LRP1B: variants seen among roughly 807,000 people sequenced by gnomAD.
LRP1B encodes the protein low-density lipoprotein receptor-related protein 1B.
In LRP1B, 217 loss-of-function variants were observed where a neutral mutation model predicts 556.6. The ratio of observed to expected loss-of-function variants is 0.39; its 90% confidence interval spans 0.35 to 0.44. The LOEUF is 0.44. LRP1B is among the 20% of genes least tolerant of loss of function. The pLI, the probability that LRP1B is intolerant of heterozygous loss-of-function variation, is 1.00. For synonymous variants in LRP1B, 2,047 were observed against 1,865.8 expected, an observed-to-expected ratio of 1.10 and a Z score of -2.50; for missense variants, 5,053 against 5,620.8, an observed-to-expected ratio of 0.90 and a Z score of 3.23.
intron 86 of LRP1B, among the ~76,000 whole-genome samples, chr2:140,252,093 A>G (rs1169591727): frequency 1.4e-5 from 1 of 71,786 alleles, no homozygotes. Context: ...AAAAAAACCC[A>G]AAAAACAAAA....
At chr2:141,802,544 G>C (rs900782321) in intron 2 of LRP1B, among the ~76,000 whole-genome samples, 1 of 152,038 alleles carries the variant, frequency 6.6e-6, no homozygotes, top group Non-Finnish European at 1.5e-5. Context: ...CTGATGAGAT[G>C]CTTTGTCCTA....
intron 11 of LRP1B, among the ~76,000 whole-genome samples, chr2:141,040,773 G>T (rs990232130): frequency 1.3e-5 from 2 of 152,108 alleles, no homozygotes; most frequent in African/African-American, 4.8e-5. Context: ...CAATTCTGAA[G>T]ATGCTGGGGA....
intron 2 of LRP1B, among the ~76,000 whole-genome samples, chr2:141,620,523 C>G (rs1452746422): frequency 6.6e-6 from 1 of 152,144 alleles, no homozygotes; most frequent in Non-Finnish European, 1.5e-5. Context: ...AATTTCATTA[C>G]AGACATATTG....
intron 6 of LRP1B, among the ~76,000 whole-genome samples, chr2:141,209,564 A>G (rs1161023919): frequency 1.3e-5 from 2 of 152,172 alleles, no homozygotes; most frequent in African/African-American, 4.8e-5. Context: ...AATTCTCACA[A>G]TTTTCAACAT....
Position 140,536,592 on chromosome 2 carries a change from A to G in LRP1B, c.7631T>C (p.Leu2544Pro), listed in dbSNP as rs2105003217. Residue 2544 changes from leucine (L) to proline (P), a missense_variant, in exon 46 of 91, where the codon CTG becomes CCG. Coordinates refer to ENST00000389484, the MANE Select transcript of LRP1B (RefSeq NM_018557.3). ...PHCKDKSDEK[L>P]LYCENRSCRR... is the part of the protein sequence containing the mutation. ...TATTGGACACTTACCACAGTAGAGC[A>G]GTTTTTCATCTGATTTATCTTTACA... is the stretch of plus-strand genomic sequence containing the variant. The G allele has an allele frequency of 1.2e-6, 2 of 1,609,998 alleles. No homozygotes were observed. The highest frequency in any genetic ancestry group is 1.7e-6 in the Non-Finnish European group (2 of 1,178,492).
At chr2:141,198,567 C>A (rs943045442) in intron 6 of LRP1B, among the ~76,000 whole-genome samples, 1 of 152,002 alleles carries the variant, frequency 6.6e-6, no homozygotes. Context: ...GGTATCTGTG[C>A]GGGGTCTTGG....
chr2:140,611,396 A>G (rs1441552574), intron 41 of LRP1B, among the ~76,000 whole-genome samples: 1 of 152,180 alleles, frequency 6.6e-6, no homozygotes, highest in Non-Finnish European at 1.5e-5. Flanking sequence ...GTTAGAAAAT[A>G]TCAAATTTTG....
chr2:140,529,876 C>T (rs1314861654), intron 47 of LRP1B, among the ~76,000 whole-genome samples: 1 of 151,954 alleles, frequency 6.6e-6, no homozygotes, highest in East Asian at 1.9e-4. Context: ...TGCCTCATCT[C>T]CCCACCTCCA....
chr2:141,519,312 T>A (rs972838923), intron 2 of LRP1B, among the ~76,000 whole-genome samples: 1 of 142,918 alleles, frequency 7.0e-6, no homozygotes, highest in Non-Finnish European at 1.5e-5. Flanking sequence ...ATGGCCATGA[T>A]AGAAAAAAGT....
At chr2:141,247,451 C>A in intron 4 of LRP1B, 97 bp from the exon 5 acceptor site, 1 of 1,437,436 alleles carries the variant, frequency 7.0e-7, no homozygotes, top group South Asian at 1.3e-5. Flanking sequence ...CGGAAATAGA[C>A]TATTAAGGAA....
At chr2:141,705,306 A>G (rs1325154473) in intron 2 of LRP1B, among the ~76,000 whole-genome samples, 1 of 151,894 alleles carries the variant, frequency 6.6e-6, no homozygotes, top group African/African-American at 2.4e-5. Context: ...TTCTCCTTCT[A>G]TGGAATGGAT....
At chr2:142,016,606 C>A (rs1054141417) in intron 1 of LRP1B, among the ~76,000 whole-genome samples, 5 of 151,826 alleles carry the variant, frequency 3.3e-5, no homozygotes, top group African/African-American at 1.2e-4. Flanking sequence ...CATGTTCTCA[C>A]TCATAAGTGG....
chr2:142,033,220 A>G (rs931623708), intron 1 of LRP1B, among the ~76,000 whole-genome samples: 1 of 151,788 alleles, frequency 6.6e-6, no homozygotes, highest in Admixed American at 6.6e-5. Context: ...GTATTAAGAT[A>G]ATTTTTTATT....
intron 2 of LRP1B, among the ~76,000 whole-genome samples, chr2:141,719,250 C>T (rs1051685838): frequency 6.6e-6 from 1 of 152,144 alleles, no homozygotes; most frequent in African/African-American, 2.4e-5. Flanking sequence ...AATCTCAATG[C>T]AATCCCATCT....
intron 23 of LRP1B, among the ~76,000 whole-genome samples, chr2:140,896,138 G>T (rs565581080): frequency 3.9e-5 from 6 of 152,024 alleles, no homozygotes; most frequent in South Asian, 2.1e-4. Context: ...GGTCCTAAAA[G>T]AAATCAATAC....
Position 141,432,232 on chromosome 2 carries a change from T to A in LRP1B, c.343+48164A>T, listed in dbSNP as rs906502168. On this transcript the variant is annotated intron_variant, in intron 3 of 90. Transcript: ENST00000389484. ...GAAATTATCATATTTTACCCTTTATTCTATTAATATTAACACTAATTTTCA... is the reference window on the plus strand; with the variant it reads ...GAAATTATCATATTTTACCCTTTATACTATTAATATTAACACTAATTTTCA... Among the ~76,000 whole-genome samples the A allele has an allele frequency of 3.3e-5, 5 of 152,228 alleles. No individual in the cohort carries two copies. In the East Asian group the frequency reaches 9.6e-4, roughly 29 times the overall value.
chr2:141,616,574 T>C (rs1574145432), intron 2 of LRP1B, among the ~76,000 whole-genome samples: 1 of 152,240 alleles, frequency 6.6e-6, no homozygotes, highest in South Asian at 2.1e-4. Context: ...TTTATAGATA[T>C]GCAAAGGCTA....
intron 87 of LRP1B, among the ~76,000 whole-genome samples, chr2:140,246,401 G>T (rs1681162747): frequency 2.6e-5 from 4 of 151,130 alleles, no homozygotes. Context: ...CTTTATTTCA[G>T]ACTTTTATTT....
chr2:140,266,874 TTCA>T (rs1558757956), intron 86 of LRP1B, among the ~76,000 whole-genome samples: 6 of 152,018 alleles, frequency 3.9e-5, no homozygotes, highest in Non-Finnish European at 4.4e-5. Context: ...CTAAAAGCCA[TTCA>T]TCTTCCTAAA....
Sources: gnomAD v4.1 joint callset for allele counts (sites outside exome capture counted in the v4.1 genomes callset) on GRCh38, gnomAD v4.1.1 for gene constraint, MANE v1.5 for transcripts, NCBI Gene and HGNC (gene_info 2026-07-23, HGNC 2026-07-21) for gene names.